ACAA2: variants seen among roughly 807,000 people sequenced by gnomAD.
The protein encoded by ACAA2 is acetyl-CoA acyltransferase 2, also known as 3-ketoacyl-CoA thiolase, mitochondrial.
ACAA2 carries 35 observed loss-of-function variants against 44.8 expected under a neutral mutation model. That is an observed-to-expected ratio of 0.78 (90% CI 0.60 to 1.04). The LOEUF is 1.04. Among genes scored for constraint, ACAA2 ranks in the 50% least tolerant of loss-of-function variants. ACAA2 has a pLI of 0.00. For synonymous variants in ACAA2, 142 were observed against 166.5 expected (o/e 0.85, Z 1.13); for missense variants, 468 against 482.6 (o/e 0.97, Z 0.28).
At position 49,784,104 on chromosome 18, in the gene ACAA2, A is replaced by G. The variant is rs1008314288; in HGVS notation, c.1110-173T>C. 3.3e-4 allele frequency among the ~76,000 whole-genome samples: 49 copies of G among 146,490 alleles called. 1 individual carries two copies. The highest frequency in any genetic ancestry group is 6.8e-5 in the Admixed American group (1 of 14,766). On this transcript the variant is annotated intron_variant, in intron 9 of 9. Coordinates refer to ENST00000285093, the MANE Select transcript of ACAA2 (RefSeq NM_006111.3). ...ACAGGCAACAGACTTTGGAAAGCTG[A>G]AAGTTTTTAATCAAAAAAAACAAAA...
rs35932656 is a variant in ACAA2, at chr18:49,787,260, TAAAAAAAAA to T, written c.954+22_954+30del. Reference sequence around the variant, plus strand: ...AAAGTACATGGTTTATTCATGTTGTTAAAAAAAAAAAAAAAAAAAAAAACACTTACCTCT... The same window carrying T: ...AAAGTACATGGTTTATTCATGTTGTTAAAAAAAAAAAAAACACTTACCTCT... On this transcript the variant is annotated intron_variant, in intron 8 of 9. Coordinates refer to ENST00000285093, the MANE Select transcript of ACAA2 (RefSeq NM_006111.3). 6.8e-4 allele frequency: 695 copies of T among 1,028,134 alleles called. 4 individuals carry two copies. In the African/African-American group the frequency reaches 0.01, roughly 15 times the overall value. The allele number at this position is 1,028,134 out of a possible 1,614,324, so 63.7% of individuals were successfully genotyped here. A position where few individuals can be genotyped will look rare whatever the true frequency, so the allele number is the denominator to read the frequency against.
chr18:49,783,927 G>A lies in ACAA2; in HGVS notation c.1114C>T (p.Arg372Ter). Reference sequence around the variant, plus strand: ...GATCCAACGGCATATTTTCCACCTCGACGCCTGAAAAAGAAAGCAGTGACT... The same window carrying A: ...GATCCAACGGCATATTTTCCACCTCAACGCCTGAAAAAGAAAGCAGTGACT... Reference protein sequence around the residue: ...TAHLVHELRRRGGKYAVGSAC... With the variant: ...TAHLVHELRR Residue 372 changes from arginine (R) to a stop codon, truncating the protein, a stop_gained, in exon 10 of 10, where the codon CGA becomes TGA. Coordinates refer to ENST00000285093, the MANE Select transcript of ACAA2 (RefSeq NM_006111.3). LOFTEE classifies it low-confidence loss of function (END_TRUNC). The A allele has an allele frequency of 1.9e-6, 3 of 1,613,738 alleles. No individual in the cohort carries two copies. Among genetic ancestry groups the A allele is most frequent in the Non-Finnish European group, 2.5e-6 (3 of 1,179,806 alleles).
intron 5 of ACAA2, among the ~76,000 whole-genome samples, chr18:49,793,736 G>A (rs530517637): frequency 1.2e-4 from 18 of 152,188 alleles, no homozygotes; most frequent in South Asian, 8.3e-4. Flanking sequence ...GTTTTGGACC[G>A]GCTCTATAGC....
intron 9 of ACAA2, 133 bp downstream of exon 9, chr18:49,785,064 C>T: frequency 9.0e-7 from 1 of 1,105,598 alleles, no homozygotes; most frequent in Non-Finnish European, 1.3e-6. Flanking sequence ...GCCCAAGTAA[C>T]TTGTTCCTGG....
In ACAA2 at chr18:49,804,322, A is replaced by G. The variant is rs566389846; in HGVS notation, c.17-1469T>C. Among the ~76,000 whole-genome samples, 27 of 152,322 alleles carry G rather than the reference A, an allele frequency of 1.8e-4. No individual in the cohort carries two copies. The East Asian group carries it at 5.0e-3, about 28-fold the overall frequency. The stretch of plus-strand genomic sequence containing the variant: ...ACACAGATAGAGATGTAGTTTCTAG[A>G]ATATATGCTGCTACCGGTTCTAGAG... On this transcript the variant is annotated intron_variant, in intron 1 of 9. Coordinates refer to ENST00000285093, the MANE Select transcript of ACAA2 (RefSeq NM_006111.3).
chr18:49,808,659 G>C (rs144219540), intron 1 of ACAA2, among the ~76,000 whole-genome samples: 4 of 152,098 alleles, frequency 2.6e-5, no homozygotes, highest in Non-Finnish European at 5.9e-5. Flanking sequence ...GCAGGTGTAC[G>C]AACAGGGAGT....
At chr18:49,791,330 GA>G (rs1484050722) in intron 7 of ACAA2, 139 bp downstream of exon 7, 4 of 732,182 alleles carry the variant, frequency 5.5e-6, no homozygotes, top group Admixed American at 2.8e-5. Context: ...TCTTCATAAA[GA>G]TTTTTTATTT....
intron 1 of ACAA2, among the ~76,000 whole-genome samples, chr18:49,811,962 T>C (rs191916508): frequency 1.5e-3 from 223 of 152,320 alleles, no homozygotes; most frequent in African/African-American, 5.2e-3. Flanking sequence ...GTCTGTATTA[T>C]AAGAAAGGGT....
chr18:49,813,419 G>A (rs1463222909), intron 1 of ACAA2, 50 bp downstream of exon 1: 26 of 1,220,454 alleles, frequency 2.1e-5, no homozygotes, highest in Non-Finnish European at 2.7e-5. Flanking sequence ...CCTGGCCTGG[G>A]GAGGGCAGGA....
chr18:49,800,497 C>T (rs535334433), intron 2 of ACAA2, among the ~76,000 whole-genome samples: 225 of 152,186 alleles, frequency 1.5e-3, no homozygotes, highest in African/African-American at 5.2e-3. Flanking sequence ...GGATGGTTGC[C>T]GTGTCTGTGT....
chr18:49,788,935 G>A (rs1186283971), intron 7 of ACAA2, among the ~76,000 whole-genome samples: 1 of 152,112 alleles, frequency 6.6e-6, no homozygotes, highest in Admixed American at 6.5e-5. Context: ...GCATCTCTCT[G>A]GGCAACAAGC....
In ACAA2 at chr18:49,805,879, C is replaced by G. The variant is rs572889872; in HGVS notation, c.17-3026G>C. Among the ~76,000 whole-genome samples, 14 of 152,210 alleles carry G rather than the reference C, an allele frequency of 9.2e-5. No individual in the cohort carries two copies. In the South Asian group the frequency reaches 2.7e-3, roughly 29 times the overall value. The stretch of plus-strand genomic sequence containing the variant: ...CTGCTAGGATTATAGGCATGAGCTA[C>G]TGCACCTGGCCTATCAGTGGTTGCT... On this transcript the variant is annotated intron_variant, in intron 1 of 9. Transcript: ENST00000285093.
At chr18:49,806,226 A>C (rs774684484) in intron 1 of ACAA2, among the ~76,000 whole-genome samples, 1 of 152,208 alleles carries the variant, frequency 6.6e-6, no homozygotes, top group Non-Finnish European at 1.5e-5. Context: ...GGCTTGAAGA[A>C]TCAGAGAATA....
At chr18:49,811,599 T>C (rs545547084) in intron 1 of ACAA2, 1 of 152,308 alleles carries the variant, frequency 6.6e-6, no homozygotes, top group South Asian at 2.1e-4. Flanking sequence ...CTATAATCAG[T>C]CACATGCTCT....
At chr18:49,784,491 C>G (rs201740470) in intron 9 of ACAA2, among the ~76,000 whole-genome samples, 1 of 151,962 alleles carries the variant, frequency 6.6e-6, no homozygotes, top group Non-Finnish European at 1.5e-5. Context: ...ATGATGACTT[C>G]GAGAAAATTA....
intron 5 of ACAA2, 107 bp from the exon 6 acceptor site, chr18:49,792,434 A>G: frequency 2.9e-6 from 3 of 1,019,980 alleles, no homozygotes; most frequent in Non-Finnish European, 4.2e-6. Context: ...CTCACAGTCT[A>G]CTTTAATATT....
At chr18:49,799,569 C>G (rs1039673397) in intron 2 of ACAA2, among the ~76,000 whole-genome samples, 3 of 152,154 alleles carry the variant, frequency 2.0e-5, no homozygotes, top group African/African-American at 7.2e-5. Context: ...TCGCTACAAC[C>G]TCCACCTCCC....
intron 8 of ACAA2, chr18:49,786,073 TAGATA>T (rs2023325581): frequency 6.6e-6 from 1 of 152,226 alleles, no homozygotes; most frequent in Admixed American, 6.5e-5. Context: ...AGGAATTTTA[TAGATA>T]AGGAAACTCA....
intron 3 of ACAA2, 149 bp downstream of exon 3, chr18:49,797,317 G>T: frequency 6.3e-6 from 3 of 478,222 alleles, no homozygotes; most frequent in Non-Finnish European, 1.0e-5. Flanking sequence ...TGTTGCCCAT[G>T]GCTGGAGTGC....
Sources: allele counts gnomAD v4.1 joint callset (sites outside exome capture counted in the v4.1 genomes callset), GRCh38; gene constraint gnomAD v4.1.1; transcripts MANE v1.5; gene names NCBI Gene and HGNC (gene_info 2026-07-23, HGNC 2026-07-21).